Variants in PRPF3 observed in about 807,000 individuals in gnomAD.
PRPF3 encodes U4/U6 small nuclear ribonucleoprotein Prp3.
Under a neutral mutation model 89.2 loss-of-function variants are expected in PRPF3, and 3 were observed. The observed-to-expected ratio is 0.03, with a 90% confidence interval of 0.02 to 0.09. The LOEUF is 0.09. Ranked by LOEUF, PRPF3 falls within the 10% of genes least tolerant of loss-of-function variation. PRPF3 has a pLI of 1.00. For missense variants in PRPF3, 463 were observed against 828.8 expected, an observed-to-expected ratio of 0.56 and a Z score of 5.42; for synonymous variants, 270 against 289.1, an observed-to-expected ratio of 0.93 and a Z score of 0.67.
At chr1:150,322,843 GGTCA>G (rs1333780346) in intron 1 of PRPF3, among the ~76,000 whole-genome samples, 11 of 151,180 alleles carry the variant, frequency 7.3e-5, no homozygotes, top group African/African-American at 2.7e-4. Flanking sequence ...TGGAAATTGA[GGTCA>G]GTCAATTTAT....
rs978350140 is a variant in PRPF3, at chr1:150,340,411, C to G, written c.1216C>G (p.Pro406Ala). 2 of 1,600,128 alleles carry G rather than the reference C, an allele frequency of 1.2e-6. No individual in the cohort carries two copies. The highest frequency in any genetic ancestry group is 1.7e-6 in the Non-Finnish European group (2 of 1,167,544). The change falls in exon 9 of 16, where the codon CCC becomes GCC. Residue 406 changes from proline (P) to alanine (A), a missense_variant. Pro to Ala is a conservative substitution (Grantham distance 27). Transcript: ENST00000324862. ...PNGFDLTEEN[P>A]KREDYFGITN... is the part of the protein sequence containing the mutation. The stretch of plus-strand genomic sequence containing the variant: ...CTACAATTTTAGTACAGAGGAAAAT[C>G]CCAAGAGAGAAGATTATTTTGGAAT...
intron 9 of PRPF3, among the ~76,000 whole-genome samples, chr1:150,342,428 G>A (rs142480195): frequency 6.6e-6 from 1 of 152,192 alleles, no homozygotes; most frequent in African/African-American, 2.4e-5. Flanking sequence ...CCATATTGCC[G>A]GGCACCAGGC....
intron 7 of PRPF3, among the ~76,000 whole-genome samples, chr1:150,337,291 G>A (rs587741395): frequency 1.7e-4 from 25 of 151,054 alleles, no homozygotes; most frequent in African/African-American, 5.8e-4. Context: ...CTCCCGCCTC[G>A]GCCTCTCAAA....
intron 8 of PRPF3, among the ~76,000 whole-genome samples, chr1:150,339,792 C>T (rs2794685): frequency 0.31 from 44,249 of 142,610 alleles, 8,116 homozygotes; most frequent in Non-Finnish European, 0.41. Flanking sequence ...TGCACAATCT[C>T]GGCTCGCTGC....
chr1:150,324,782 G>A (rs1655517155), intron 1 of PRPF3, 113 bp from the exon 2 acceptor site: 1 of 726,266 alleles, frequency 1.4e-6, no homozygotes, highest in Non-Finnish European at 2.2e-6. Context: ...CTTGACCCCA[G>A]GCAGTCCATC....
intron 1 of PRPF3, among the ~76,000 whole-genome samples, chr1:150,324,590 G>C (rs1385780253): frequency 6.2e-5 from 9 of 146,090 alleles, no homozygotes; most frequent in African/African-American, 2.0e-4. Context: ...TTGCTTTGTC[G>C]CCCAGGCTGG....
At chr1:150,350,477 C>T (rs1560123546) in intron 15 of PRPF3, among the ~76,000 whole-genome samples, 1 of 152,172 alleles carries the variant, frequency 6.6e-6, no homozygotes, top group African/African-American at 2.4e-5. Flanking sequence ...GGATTACAGG[C>T]ATGAGTCACT....
rs782061609 is a variant in PRPF3 at position 150,325,787 on chromosome 1, G to T, written c.182G>T (p.Arg61Leu). The change falls in exon 3 of 16, where the codon CGA becomes CTA. Residue 61 changes from arginine to leucine, a missense_variant. Physicochemically the swap from Arg to Leu is moderately radical, Grantham distance 102 (BLOSUM62 -2). Coordinates refer to ENST00000324862, the MANE Select transcript of PRPF3 (RefSeq NM_004698.4). ...LKPFLDDSTL[R>L]FVDKLFEAVE... ...CCTTTTCTTGATGATTCTACTCTCC[G>T]ATTTGTGGACAAACTGTTTGAGGCT... The T allele has an allele frequency of 3.7e-6, 6 of 1,613,364 alleles. No homozygotes were observed. Among genetic ancestry groups the T allele is most frequent in the Non-Finnish European group, 4.2e-6 (5 of 1,179,622 alleles).
Position 150,338,558 on chromosome 1 carries a change from T to A in PRPF3, c.1202+232T>A, listed in dbSNP as rs587726773. 5.9e-4 allele frequency among the ~76,000 whole-genome samples: 87 copies of A among 148,102 alleles called. 1 individual carries two copies. The highest frequency in any genetic ancestry group is 3.0e-3 in the South Asian group (14 of 4,696). On this transcript the variant is annotated intron_variant, in intron 8 of 15. Transcript: ENST00000324862. ...CTCTGTCACCCAGGCTGGAGTGCAG[T>A]GGCACGATCTCAGCTCACTGCAACC... is the stretch of plus-strand genomic sequence containing the variant.
rs1384189248 is a variant in PRPF3, at chr1:150,332,750, A to G, written c.490A>G (p.Ser164Gly). Reference protein sequence around the residue: ...EERKKQLSFISPPTPQPKTPS... With the variant: ...EERKKQLSFIGPPTPQPKTPS... Reference sequence around the variant, plus strand: ...GAGGAAAAAACAGCTGAGCTTCATTAGCCCCCCTACACCTCAGGTATTGTG... The same window carrying G: ...GAGGAAAAAACAGCTGAGCTTCATTGGCCCCCCTACACCTCAGGTATTGTG... The change falls in exon 5 of 16, where the codon AGC becomes GGC. Residue 164 changes from serine to glycine, a missense_variant. This residue lies in a region of PRPF3 where 38 missense variants were observed against 48.3 expected (regional missense o/e 0.79). Transcript: ENST00000324862. The G allele has an allele frequency of 3.1e-6, 5 of 1,614,006 alleles. No individual in the cohort carries two copies. The highest frequency in any genetic ancestry group is 4.2e-6 in the Non-Finnish European group (5 of 1,179,998).
rs56860451 is a variant in PRPF3, at chr1:150,343,245, AAAAAT to A, written c.1283-62_1283-58del. 0.017 allele frequency: 6,177 copies of A among 371,750 alleles called. 256 individuals are homozygous for A. Among genetic ancestry groups the A allele is most frequent in the African/African-American group, 0.15 (5,133 of 34,282 alleles). 23.0% of individuals were successfully genotyped at this position (371,750 alleles called of 1,614,324 possible). A position where few individuals can be genotyped will look rare whatever the true frequency, so the allele number is the denominator to read the frequency against. ...TGACAGAGTGAGAGAGAGAAAAAAA[AAAAAT>A]ATATATATATATATATGTATTCTTA... On this transcript the variant is annotated intron_variant, in intron 9 of 15. Coordinates refer to ENST00000324862, the MANE Select transcript of PRPF3 (RefSeq NM_004698.4).
At position 150,346,494 on chromosome 1, in the gene PRPF3, G is replaced by A. The variant is rs782737167; in HGVS notation, c.1843+3G>A. 1.2e-6 allele frequency: 2 copies of A among 1,609,474 alleles called. No homozygotes were observed. Among genetic ancestry groups the A allele is most frequent in the Admixed American group, 1.7e-5 (1 of 59,994 alleles). ...GACATCTAACACAAAGGGAGATGGT[G>A]AATGGGGGTTAGAGGGGATTAAGGG... is the stretch of plus-strand genomic sequence containing the variant. On this transcript the variant is annotated splice_donor_region_variant and intron_variant, in intron 14 of 15. Coordinates refer to ENST00000324862, the MANE Select transcript of PRPF3 (RefSeq NM_004698.4).
chr1:150,351,041 C>T (rs1256317627), intron 15 of PRPF3, among the ~76,000 whole-genome samples: 3 of 151,574 alleles, frequency 2.0e-5, no homozygotes, highest in Non-Finnish European at 2.9e-5. Context: ...CTGAGGTGGG[C>T]GGATTACGAG....
chr1:150,330,959 C>T (rs587680509), intron 4 of PRPF3, among the ~76,000 whole-genome samples: 10 of 152,044 alleles, frequency 6.6e-5, no homozygotes, highest in South Asian at 4.2e-4. Flanking sequence ...CCTCGTGATC[C>T]GCCCGGCTCG....
intron 6 of PRPF3, among the ~76,000 whole-genome samples, 189 bp downstream of exon 6, chr1:150,333,388 G>A (rs587623070): frequency 1.3e-5 from 2 of 152,210 alleles, no homozygotes; most frequent in East Asian, 3.9e-4. Context: ...CCAATATGGT[G>A]AAAACCCATC....
intron 15 of PRPF3, among the ~76,000 whole-genome samples, chr1:150,351,126 G>A (rs1454640478): frequency 2.0e-5 from 3 of 151,990 alleles, no homozygotes; most frequent in African/African-American, 7.2e-5. Context: ...TTAGTGGGGC[G>A]TGGTGGCCAG....
intron 8 of PRPF3, 39 bp downstream of exon 8, chr1:150,338,365 T>A: frequency 6.3e-7 from 1 of 1,590,612 alleles, no homozygotes; most frequent in South Asian, 1.1e-5. Flanking sequence ...AAACAGTTTT[T>A]AATCAGCTGA....
chr1:150,349,453 G>A (rs1265788533), intron 15 of PRPF3, among the ~76,000 whole-genome samples: 1 of 152,188 alleles, frequency 6.6e-6, no homozygotes, highest in African/African-American at 2.4e-5. Flanking sequence ...GGACAGTGCT[G>A]CTGGTAGCAG....
intron 7 of PRPF3, among the ~76,000 whole-genome samples, chr1:150,337,767 A>AAAG (rs1657201470): frequency 6.6e-6 from 1 of 151,618 alleles, no homozygotes. Context: ...CCGTCTACAA[A>AAAG]AAAAAAAAAA....
Sources: allele counts gnomAD v4.1 joint callset (sites outside exome capture counted in the v4.1 genomes callset), GRCh38; gene constraint gnomAD v4.1.1; regional missense constraint gnomAD v4.1.1; transcripts MANE v1.5; gene names NCBI Gene and HGNC (gene_info 2026-07-23, HGNC 2026-07-21).